The following DEF8 variants were observed in gnomAD, a reference collection of about 807,000 sequenced individuals.
The protein encoded by DEF8 is DEF-8.
A neutral mutation model predicts 59.1 loss-of-function variants in DEF8; 38 were observed. The ratio of observed to expected loss-of-function variants is 0.64; its 90% CI spans 0.50 to 0.84. The LOEUF (loss-of-function observed/expected upper bound fraction) is 0.84, where lower values mean the gene tolerates loss of function less well. DEF8 is among the 40% of genes least tolerant of loss of function. The probability of loss-of-function intolerance (pLI) is 0.00; values close to 1 mark genes in which losing one functional copy is unlikely to be tolerated. For synonymous variants in DEF8, 265 were observed against 250.1 expected (o/e 1.06, Z -0.56); for missense variants, 557 against 615.2 (o/e 0.91, Z 1.00).
intron 6 of DEF8, among the ~76,000 whole-genome samples, chr16:89,959,978 C>A (rs1257432803): frequency 6.6e-6 from 1 of 151,190 alleles, no homozygotes; most frequent in Non-Finnish European, 1.5e-5. Context: ...GGGGACAGTG[C>A]TGTGGTTGAT....
Position 89,948,801 on chromosome 16 carries a change from G to T in DEF8, c.-121G>T. On this transcript the variant is annotated 5_prime_UTR_variant, in exon 1 of 13. Transcript: ENST00000563594. ...TCCAGCGCAGCCGGGAGACAGATGCGAGGCGGCGGTCAGGTGAGCGGCGCG... is the reference window on the plus strand; with the variant it reads ...TCCAGCGCAGCCGGGAGACAGATGCTAGGCGGCGGTCAGGTGAGCGGCGCG... 1 of 982,284 alleles carries T rather than the reference G, an allele frequency of 1.0e-6. No homozygotes were observed. The highest frequency in any genetic ancestry group is 1.2e-6 in the Non-Finnish European group (1 of 829,074). The allele number at this position is 982,284 out of a possible 1,614,324, so 60.8% of individuals were successfully genotyped here.
chr16:89,950,064 C>T (rs992416535), intron 2 of DEF8: 6 of 999,450 alleles, frequency 6.0e-6, no homozygotes, highest in African/African-American at 5.2e-5. Flanking sequence ...CCTTTTTTCA[C>T]AGCCCGGAGG....
rs1394259270 is a variant in DEF8 at position 89,967,226 on chromosome 16, C to T, written c.*1263C>T. The T allele has an allele frequency of 1.3e-5, 5 of 398,560 alleles. No individual in the cohort carries two copies. Among genetic ancestry groups the T allele is most frequent in the African/African-American group, 6.2e-5 (3 of 48,622 alleles). The allele number at this position is 398,560 out of a possible 1,614,324, so 24.7% of individuals were successfully genotyped here. ...CCTGGACTGTGCTTGGCTGTTGGTG[C>T]ACATGGTTGGCACACGGTGGGCAGA... On this transcript the variant is annotated 3_prime_UTR_variant, in exon 13 of 13. Coordinates refer to ENST00000563594, the MANE Select transcript of DEF8 (RefSeq NM_001242818.2).
At chr16:89,956,293 A>C (rs2033179243) in intron 4 of DEF8, among the ~76,000 whole-genome samples, 1 of 151,600 alleles carries the variant, frequency 6.6e-6, no homozygotes, top group African/African-American at 2.4e-5. Context: ...CGTCTCTACT[A>C]AAAATACAAA....
chr16:89,949,239 C>A (rs1370894940), intron 1 of DEF8, among the ~76,000 whole-genome samples, 178 bp from the exon 2 acceptor site: 2 of 151,884 alleles, frequency 1.3e-5, no homozygotes, highest in Non-Finnish European at 2.9e-5. Context: ...AGCACCCGGG[C>A]GGCTCAGGGG....
chr16:89,965,040 A>C (rs2034488169), intron 12 of DEF8, among the ~76,000 whole-genome samples: 1 of 152,210 alleles, frequency 6.6e-6, no homozygotes, highest in Non-Finnish European at 1.5e-5. Context: ...TGATTTATTA[A>C]GTACTTATGC....
At position 89,962,054 on chromosome 16, in the gene DEF8, C is replaced by T. The variant is rs749285331; in HGVS notation, c.850C>T (p.Arg284Trp). The T allele has an allele frequency of 4.3e-6, 7 of 1,613,960 alleles. No homozygotes were observed. Among genetic ancestry groups the T allele is most frequent in the East Asian group, 2.2e-5 (1 of 44,886 alleles). ...GCGCTACCTGGCGCTGATGGTGTCT[C>T]GGCCCGTACTCAGGCTCCGGGAGAT... ...SMRYLALMVS[R>W]PVLRLREINP... is the part of the protein sequence containing the mutation. The change falls in exon 9 of 13, where the codon CGG becomes TGG. Residue 284 changes from arginine to tryptophan, a missense_variant. Arg to Trp is a moderately radical substitution (Grantham distance 101, BLOSUM62 -3). Coordinates refer to ENST00000563594, the MANE Select transcript of DEF8 (RefSeq NM_001242818.2).
intron 5 of DEF8, chr16:89,957,980 C>T (rs1053943330): frequency 1.5e-5 from 3 of 203,122 alleles, no homozygotes; most frequent in Non-Finnish European, 3.0e-5. Context: ...TCTTCCAACT[C>T]GACTTCCTGT....
intron 6 of DEF8, among the ~76,000 whole-genome samples, chr16:89,960,571 T>C (rs17784583): frequency 0.16 from 23,738 of 148,190 alleles, 3,070 homozygotes; most frequent in East Asian, 0.55. Context: ...GGATAACTCA[T>C]GATATTGAAA....
chr16:89,954,609 C>G lies in DEF8; in HGVS notation c.124+233C>G, dbSNP rs1454886458. On this transcript the variant is annotated intron_variant, in intron 3 of 12. Coordinates refer to ENST00000563594, the MANE Select transcript of DEF8 (RefSeq NM_001242818.2). This position sits in a 1 kb window ranked among gnomAD's most constrained non-coding sequence, Gnocchi z 4.3. ...TGTGCCTGACCCATCACTGCTGCAT[C>G]CTAGGGCCCAGCACATAGTAGGTGC... Among the ~76,000 whole-genome samples, 1 of 152,196 alleles carries G rather than the reference C, an allele frequency of 6.6e-6. No individual in the cohort carries two copies. The highest frequency in any genetic ancestry group is 1.5e-5 in the Non-Finnish European group (1 of 68,026).
intron 10 of DEF8, 70 bp downstream of exon 10, chr16:89,963,513 G>T: frequency 7.3e-7 from 1 of 1,376,796 alleles, no homozygotes; most frequent in Non-Finnish European, 1.0e-6. Context: ...TCAGGCTCAG[G>T]TTTTTTCCGG....
At chr16:89,962,918 G>A (rs560462234) in intron 9 of DEF8, among the ~76,000 whole-genome samples, 4 of 152,240 alleles carry the variant, frequency 2.6e-5, no homozygotes, top group South Asian at 2.1e-4. Flanking sequence ...GAGGTAGGGC[G>A]GGAGCCGAGG....
chr16:89,962,003 G>C lies in DEF8; in HGVS notation c.808-9G>C. On this transcript the variant is annotated splice_polypyrimidine_tract_variant and intron_variant, in intron 8 of 12. Coordinates refer to ENST00000563594, the MANE Select transcript of DEF8 (RefSeq NM_001242818.2). ...GGTGTGAGAGGTGTCACCCGGCCGT[G>C]CCTGGCAGGTTTCTCGCTGCAGCAT... is the stretch of plus-strand genomic sequence containing the variant. 2 of 1,613,748 alleles carry C rather than the reference G, an allele frequency of 1.2e-6. No homozygotes were observed. Among genetic ancestry groups the C allele is most frequent in the Non-Finnish European group, 1.7e-6 (2 of 1,179,900 alleles).
In DEF8 at chr16:89,954,531, G is replaced by A. The variant is rs552773065; in HGVS notation, c.124+155G>A. Among the ~76,000 whole-genome samples, 1 of 152,190 alleles carries A rather than the reference G, an allele frequency of 6.6e-6. No individual in the cohort carries two copies. Among genetic ancestry groups the A allele is most frequent in the Non-Finnish European group, 1.5e-5 (1 of 68,032 alleles). On this transcript the variant is annotated intron_variant, in intron 3 of 12. Coordinates refer to ENST00000563594, the MANE Select transcript of DEF8 (RefSeq NM_001242818.2). This position sits in a 1 kb window ranked among gnomAD's most constrained non-coding sequence, Gnocchi z 4.3. ...TCTTTTTCCCATCTCTTCTGTGGTC[G>A]TGTGGTTTGTTTCTGTGTCCCCACT...
At position 89,966,772 on chromosome 16, in the gene DEF8, G is replaced by T. The variant is rs2034626648; in HGVS notation, c.*809G>T. The T allele has an allele frequency of 6.5e-6, 1 of 153,336 alleles. No homozygotes were observed. The highest frequency in any genetic ancestry group is 1.5e-5 in the Non-Finnish European group (1 of 68,570). The allele number at this position is 153,336 out of a possible 1,614,324, so 9.5% of individuals were successfully genotyped here. A position where few individuals can be genotyped will look rare whatever the true frequency, so the allele number is the denominator to read the frequency against. On this transcript the variant is annotated 3_prime_UTR_variant, in exon 13 of 13. Transcript: ENST00000563594. Reference sequence around the variant, plus strand: ...GGCCTCCAGGTGTGCAGCAGGGGCTGTGTGCTGGGGGAGGTTCCAGTTAGG... The same window carrying T: ...GGCCTCCAGGTGTGCAGCAGGGGCTTTGTGCTGGGGGAGGTTCCAGTTAGG...
At chr16:89,952,306 T>C (rs1345550477) in intron 2 of DEF8, among the ~76,000 whole-genome samples, 2 of 152,188 alleles carry the variant, frequency 1.3e-5, no homozygotes, top group East Asian at 3.9e-4. Context: ...CCCATTACTG[T>C]TGTTTTCAGA....
chr16:89,959,337 C>G, intron 6 of DEF8, 182 bp downstream of exon 6: 1 of 1,443,550 alleles, frequency 6.9e-7, no homozygotes, highest in Non-Finnish European at 9.1e-7. Flanking sequence ...CAGGGCTGTT[C>G]TGGATGAGAA....
intron 6 of DEF8, chr16:89,959,376 T>C: frequency 1.4e-6 from 2 of 1,423,592 alleles, no homozygotes; most frequent in Non-Finnish European, 1.8e-6. Flanking sequence ...ATGGTGTGTC[T>C]AGTTTGTACA....
At position 89,949,406 on chromosome 16, in the gene DEF8, T is replaced by G. The variant is rs2031525695; in HGVS notation, c.-107-11T>G. The G allele has an allele frequency of 1.9e-6, 3 of 1,596,868 alleles. No homozygotes were observed. The South Asian group carries it at 3.3e-5, about 18-fold the overall frequency. On this transcript the variant is annotated splice_polypyrimidine_tract_variant and intron_variant, in intron 1 of 12. Transcript: ENST00000563594. ...GGGGAGGCACAGTGCTGGGGTGGCTTCTCCCTGCAGCAGGTGCCGAACCCA... is the reference window on the plus strand; with the variant it reads ...GGGGAGGCACAGTGCTGGGGTGGCTGCTCCCTGCAGCAGGTGCCGAACCCA...
Sources: allele counts gnomAD v4.1 joint callset (sites outside exome capture counted in the v4.1 genomes callset), GRCh38; gene constraint gnomAD v4.1.1; non-coding constraint Gnocchi (gnomAD v3.1); transcripts MANE v1.5; gene names NCBI Gene and HGNC (gene_info 2026-07-23, HGNC 2026-07-21).